The following MYO3B variants were observed in gnomAD, a reference collection of about 807,000 sequenced individuals.
The protein encoded by MYO3B is myosin IIIB, also known as myosin-IIIb.
MYO3B carries 156 observed loss-of-function variants against 174.6 expected under a neutral mutation model. The observed-to-expected ratio is 0.89, with a 90% CI of 0.78 to 1.02. The LOEUF (loss-of-function observed/expected upper bound fraction) is 1.02, where lower values mean the gene tolerates loss of function less well. Among genes scored for constraint, MYO3B ranks in the 50% least tolerant of loss-of-function variants. The pLI is 0.00. For missense variants in MYO3B, 1,632 were observed against 1,639.4 expected, an observed-to-expected ratio of 1.00 and a Z score of 0.08; for synonymous variants, 563 against 569.1, an observed-to-expected ratio of 0.99 and a Z score of 0.15.
At chr2:170,329,582 T>G (rs1333471398) in intron 7 of MYO3B, among the ~76,000 whole-genome samples, 1 of 148,600 alleles carries the variant, frequency 6.7e-6, no homozygotes, top group Admixed American at 6.8e-5. Context: ...TTAGTATGGA[T>G]GGGGTTTCAC....
intron 22 of MYO3B, among the ~76,000 whole-genome samples, chr2:170,437,868 C>T (rs1027524422): frequency 6.6e-6 from 1 of 152,152 alleles, no homozygotes; most frequent in South Asian, 2.1e-4. Context: ...CCTTCAGCAC[C>T]TTTTTTCTTC....
At position 170,381,637 on chromosome 2, in the gene MYO3B, G is replaced by A. The variant is rs1213406352; in HGVS notation, c.972-379G>A. ...GGGTGGTGCTGGTAGATAAAGCAAG[G>A]GGACCTCAAGGGAAGTAAGGCACTT... On this transcript the variant is annotated intron_variant, in intron 9 of 34. Transcript: ENST00000408978. 2.6e-5 allele frequency among the ~76,000 whole-genome samples: 4 copies of A among 152,284 alleles called. No individual in the cohort carries two copies. In the South Asian group the frequency reaches 6.2e-4, roughly 24 times the overall value.
intron 8 of MYO3B, among the ~76,000 whole-genome samples, chr2:170,360,269 A>G (rs1404409617): frequency 6.6e-6 from 1 of 152,134 alleles, no homozygotes; most frequent in Non-Finnish European, 1.5e-5. Flanking sequence ...GAAGAAATAC[A>G]ATTCATGTGT....
At chr2:170,328,253 T>C (rs2093883981) in intron 7 of MYO3B, among the ~76,000 whole-genome samples, 1 of 152,156 alleles carries the variant, frequency 6.6e-6, no homozygotes, top group Non-Finnish European at 1.5e-5. Context: ...GCTGAGGTTA[T>C]TACCCAGGGA....
chr2:170,463,344 A>C (rs1279304603), intron 23 of MYO3B, 24 bp from the exon 24 acceptor site: 1 of 1,610,164 alleles, frequency 6.2e-7, no homozygotes, highest in Non-Finnish European at 8.5e-7. Flanking sequence ...TCCTCAAACC[A>C]CTTGCCTCCA....
intron 7 of MYO3B, among the ~76,000 whole-genome samples, chr2:170,242,380 C>A (rs1254570485): frequency 2.0e-5 from 3 of 152,166 alleles, no homozygotes; most frequent in Admixed American, 2.0e-4. Context: ...TGTTCCAGAT[C>A]CCCAGAATAT....
intron 7 of MYO3B, among the ~76,000 whole-genome samples, chr2:170,264,810 A>T (rs1479409735): frequency 6.6e-6 from 1 of 152,198 alleles, no homozygotes; most frequent in Non-Finnish European, 1.5e-5. Flanking sequence ...ACTTTGGGTG[A>T]TGGCTTAGTT....
rs1186344881 is a variant in MYO3B, at chr2:170,499,775, AAG to A, written c.3264_3265del (p.Lys1089GlyfsTer13). On this transcript the variant is annotated frameshift_variant, in exon 27 of 35. Coordinates refer to ENST00000408978, the MANE Select transcript of MYO3B (RefSeq NM_138995.5). LOFTEE classifies it high-confidence loss of function. ...CAGGAGATACAAAAGGGTCAGAGAG[AAG>A]AGAGAGAAGGGAGCCATTGCCATCC... ...GARRYKRVREKREKGAIAIQS... is the reference protein window; with the variant it reads ...GARRYKRVREXREKGAIAIQS... The A allele has an allele frequency of 2.5e-6, 4 of 1,613,602 alleles. No homozygotes were observed. The highest frequency in any genetic ancestry group is 3.4e-6 in the Non-Finnish European group (4 of 1,179,646).
At chr2:170,645,756 T>G (rs527267369) in intron 32 of MYO3B, among the ~76,000 whole-genome samples, 19 of 152,338 alleles carry the variant, frequency 1.2e-4, no homozygotes, top group African/African-American at 4.6e-4. Flanking sequence ...GGAAAAATCA[T>G]GATAAACTTC....
intron 29 of MYO3B, among the ~76,000 whole-genome samples, chr2:170,517,875 G>C (rs766271217): frequency 8.6e-5 from 13 of 151,882 alleles, no homozygotes; most frequent in Non-Finnish European, 1.6e-4. Flanking sequence ...AGAAAAGGCA[G>C]TGGGGGAAGG....
chr2:170,240,591 A>C (rs1191940512), intron 7 of MYO3B, among the ~76,000 whole-genome samples: 1 of 152,220 alleles, frequency 6.6e-6, no homozygotes, highest in Non-Finnish European at 1.5e-5. Flanking sequence ...AAATTATATT[A>C]TGTGTTGATG....
intron 8 of MYO3B, chr2:170,350,777 C>T (rs2094060596): frequency 6.6e-6 from 1 of 152,166 alleles, no homozygotes; most frequent in African/African-American, 2.4e-5. Context: ...ACATTAATAG[C>T]TTAATAGCTT....
intron 32 of MYO3B, among the ~76,000 whole-genome samples, chr2:170,614,708 T>G (rs1226786107): frequency 6.6e-6 from 1 of 152,164 alleles, no homozygotes; most frequent in East Asian, 1.9e-4. Flanking sequence ...AAGCCCAGCA[T>G]CTATAGCATA....
intron 32 of MYO3B, among the ~76,000 whole-genome samples, chr2:170,594,822 C>T (rs918552704): frequency 1.6e-5 from 2 of 125,230 alleles, no homozygotes; most frequent in African/African-American, 3.5e-5. Flanking sequence ...TCTTTCCCAG[C>T]GCGCGCACAC....
chr2:170,286,739 TG>T (rs1272281717), intron 7 of MYO3B, among the ~76,000 whole-genome samples: 2 of 152,134 alleles, frequency 1.3e-5, no homozygotes, highest in Non-Finnish European at 2.9e-5. Flanking sequence ...CCAGTTAAGT[TG>T]TTTTTGTTCG....
At chr2:170,263,399 G>T (rs1175128729) in intron 7 of MYO3B, among the ~76,000 whole-genome samples, 1 of 152,126 alleles carries the variant, frequency 6.6e-6, no homozygotes, top group Non-Finnish European at 1.5e-5. Flanking sequence ...AAAGTATAGA[G>T]AAAGAAAAGT....
At chr2:170,585,787 C>T (rs1693464989) in intron 32 of MYO3B, among the ~76,000 whole-genome samples, 1 of 152,158 alleles carries the variant, frequency 6.6e-6, no homozygotes, top group African/African-American at 2.4e-5. Flanking sequence ...CGTGGTGGCT[C>T]ACGCCTGTAA....
chr2:170,415,438 T>G (rs2094572087), intron 22 of MYO3B, among the ~76,000 whole-genome samples: 1 of 152,260 alleles, frequency 6.6e-6, no homozygotes. Context: ...ACATTTTACT[T>G]ATGTATCATG....
At chr2:170,650,403 G>A (rs1000019606) in intron 32 of MYO3B, among the ~76,000 whole-genome samples, 9 of 151,894 alleles carry the variant, frequency 5.9e-5, no homozygotes, top group South Asian at 2.1e-4. Flanking sequence ...TTTTTAAATC[G>A]TGGAAATCTC....
Sources: allele counts gnomAD v4.1 joint callset (sites outside exome capture counted in the v4.1 genomes callset), GRCh38; gene constraint gnomAD v4.1.1; transcripts MANE v1.5; gene names NCBI Gene and HGNC (gene_info 2026-07-23, HGNC 2026-07-21).